The following SINHCAF variants were observed in gnomAD, a reference collection of about 807,000 sequenced individuals.
SINHCAF encodes the protein SIN3-HDAC complex-associated factor.
Under a neutral mutation model 25.8 loss-of-function variants are expected in SINHCAF, and 3 were observed. The observed-to-expected ratio is 0.12, with a 90% confidence interval of 0.05 to 0.30. The LOEUF (loss-of-function observed/expected upper bound fraction) is 0.30. SINHCAF is among the 10% of genes least tolerant of loss of function. The probability of loss-of-function intolerance (pLI) is 1.00; values close to 1 mark genes in which losing one functional copy is unlikely to be tolerated. For missense variants in SINHCAF, 121 were observed against 262.3 expected (o/e 0.46, Z 3.72); for synonymous variants, 70 against 85.5 (o/e 0.82, Z 1.00).
At position 31,302,837 on chromosome 12, in the gene SINHCAF, G is replaced by A. The variant is rs118113084; in HGVS notation, c.-20-4613C>T. ...TCCATCCTGCCTTTGTTCTATATCT[G>A]ATACACAAGTTTACAACCAGTACCT... On this transcript the variant is annotated intron_variant, in intron 1 of 5. Transcript: ENST00000337682. The A allele has an allele frequency of 6.1e-3, 3,975 of 655,824 alleles. 14 individuals are homozygous for A. Among genetic ancestry groups the A allele is most frequent in the Non-Finnish European group, 7.0e-3 (3,726 of 529,316 alleles). The allele number at this position is 655,824 out of a possible 1,614,324, so 40.6% of individuals were successfully genotyped here. A position where few individuals can be genotyped will look rare whatever the true frequency, so the allele number is the denominator to read the frequency against.
In SINHCAF at chr12:31,303,204, G is replaced by C. The variant is rs528956553; in HGVS notation, c.-20-4980C>G. On this transcript the variant is annotated intron_variant, in intron 1 of 5. Transcript: ENST00000337682. ...CCAGAACAAATATTTAGAAGAGGCT[G>C]TGTCAACCCATTTTTCCTTGTATTT... 22 of 985,432 alleles carry C rather than the reference G, an allele frequency of 2.2e-5. 1 individual carries two copies. The Admixed American group carries it at 3.1e-4, about 14-fold the overall frequency. The allele number at this position is 985,432 out of a possible 1,614,324, so 61.0% of individuals were successfully genotyped here.
At chr12:31,314,404 T>C (rs1939416060) in intron 1 of SINHCAF, among the ~76,000 whole-genome samples, 1 of 151,988 alleles carries the variant, frequency 6.6e-6, no homozygotes, top group Non-Finnish European at 1.5e-5. Flanking sequence ...CGGGCGCCTG[T>C]AATCCCAGCC....
At position 31,324,620 on chromosome 12, in the gene SINHCAF, A is replaced by G. The variant is rs1939875809; in HGVS notation, c.-21+1404T>C. Reference sequence around the variant, plus strand: ...GCCCTACGCCCAGGCGGCGGCCCCGAGCGCCGGGGGCCCGCACGGGCACAT... The same window carrying G: ...GCCCTACGCCCAGGCGGCGGCCCCGGGCGCCGGGGGCCCGCACGGGCACAT... On this transcript the variant is annotated intron_variant, in intron 1 of 5. Transcript: ENST00000337682. The surrounding 1 kb of genome is among the most constrained non-coding windows in gnomAD (Gnocchi z 5.5). The G allele has an allele frequency of 3.9e-6, 1 of 259,138 alleles. No homozygotes were observed. The highest frequency in any genetic ancestry group is 1.2e-4 in the East Asian group (1 of 8,658). 16.1% of individuals were successfully genotyped at this position (259,138 alleles called of 1,614,324 possible). A position where few individuals can be genotyped will look rare whatever the true frequency, so the allele number is the denominator to read the frequency against.
chr12:31,296,427 AAGTGCTAGGATTAC>A (rs1938552436), intron 2 of SINHCAF, among the ~76,000 whole-genome samples: 1 of 151,972 alleles, frequency 6.6e-6, no homozygotes, highest in Non-Finnish European at 1.5e-5. Context: ...TGGCCTCCCA[AAGTGCTAGGATTAC>A]AGGTGTGAGC....
At chr12:31,316,884 A>C (rs190762097) in intron 1 of SINHCAF, among the ~76,000 whole-genome samples, 1 of 152,174 alleles carries the variant, frequency 6.6e-6, no homozygotes, top group African/African-American at 2.4e-5. Flanking sequence ...TGTCTTTTTA[A>C]ATCTTTATAA....
At chr12:31,317,675 A>G (rs1431493022) in intron 1 of SINHCAF, among the ~76,000 whole-genome samples, 1 of 152,140 alleles carries the variant, frequency 6.6e-6, no homozygotes, top group Non-Finnish European at 1.5e-5. Context: ...ACACACCTTA[A>G]GAGTAATCTA....
intron 1 of SINHCAF, chr12:31,312,029 T>G: frequency 1.6e-6 from 1 of 638,360 alleles, no homozygotes; most frequent in African/African-American, 1.8e-5. Flanking sequence ...AAGTAACTTT[T>G]GATCAGAAAG....
Position 31,325,560 on chromosome 12 carries a change from A to C in SINHCAF, c.-21+464T>G. The C allele has an allele frequency of 3.7e-5, 7 of 187,146 alleles. No individual in the cohort carries two copies. The highest frequency in any genetic ancestry group is 1.5e-4 in the South Asian group (2 of 13,428). The allele number at this position is 187,146 out of a possible 1,614,324, so 11.6% of individuals were successfully genotyped here. On this transcript the variant is annotated intron_variant, in intron 1 of 5. Transcript: ENST00000337682. This position sits in a 1 kb window ranked among gnomAD's most constrained non-coding sequence, Gnocchi z 5.9. ...CCACGAGGTTTCACAACGGCGCCCG[A>C]CCCTGCCCGCGCCTCGCGCCCACGC...
At chr12:31,309,963 G>A (rs947849735) in intron 1 of SINHCAF, among the ~76,000 whole-genome samples, 5 of 151,996 alleles carry the variant, frequency 3.3e-5, no homozygotes, top group Non-Finnish European at 2.9e-5. Context: ...CACCGTGCCC[G>A]GCCAACTTGT....
In SINHCAF at chr12:31,280,708, GACTACAT is replaced by G. The variant is rs2137060027; in HGVS notation, c.*1997_*2003del. The G allele has an allele frequency of 6.6e-6, 1 of 152,592 alleles. No homozygotes were observed. The highest frequency in any genetic ancestry group is 1.5e-5 in the Non-Finnish European group (1 of 68,004). 9.5% of individuals were successfully genotyped at this position (152,592 alleles called of 1,614,324 possible). ...TCTAATATATTAATACAAAGTGCATGACTACATACAGTACATCCTACAGGCAAAGAGA... is the reference window on the plus strand; with the variant it reads ...TCTAATATATTAATACAAAGTGCATGACAGTACATCCTACAGGCAAAGAGA... On this transcript the variant is annotated 3_prime_UTR_variant, in exon 6 of 6. Coordinates refer to ENST00000337682, the MANE Select transcript of SINHCAF (RefSeq NM_001135812.2).
At chr12:31,309,907 T>A (rs1407371257) in intron 1 of SINHCAF, among the ~76,000 whole-genome samples, 1 of 152,094 alleles carries the variant, frequency 6.6e-6, no homozygotes, top group Non-Finnish European at 1.5e-5. Context: ...GCTCAGGTGA[T>A]CCACCTGCCT....
At chr12:31,313,653 GTTTGTTT>G (rs1939372909) in intron 1 of SINHCAF, among the ~76,000 whole-genome samples, 1 of 152,022 alleles carries the variant, frequency 6.6e-6, no homozygotes. Flanking sequence ...TTGTTTGTTT[GTTTGTTT>G]TTTCTGAGAC....
rs1247483869 is a variant in SINHCAF at position 31,295,872 on chromosome 12, C to CA, written c.129-540dup. On this transcript the variant is annotated intron_variant, in intron 2 of 5. Transcript: ENST00000337682. ...GGGCAACAAGAGCGAGACTCCATCT[C>CA]AAAAAAAAAAAATTAAATAATTAAA... is the stretch of plus-strand genomic sequence containing the variant. 1.1e-3 allele frequency among the ~76,000 whole-genome samples: 153 copies of CA among 140,432 alleles called. 1 individual carries two copies. The highest frequency in any genetic ancestry group is 1.3e-3 in the African/African-American group (49 of 38,238). The allele number at this position is 140,432 out of a possible 152,430, so 92.1% of individuals were successfully genotyped here.
At chr12:31,293,680 G>C in intron 4 of SINHCAF, 125 bp downstream of exon 4, 1 of 727,346 alleles carries the variant, frequency 1.4e-6, no homozygotes, top group Non-Finnish European at 2.1e-6. Context: ...CCAAGTCAAC[G>C]TTGCCTTCCA....
In SINHCAF at chr12:31,326,104, C is replaced by T. The variant is rs1231601153; in HGVS notation, c.-101G>A. ...CCAGGCCAGTCCCCCTCAAGCGCTC[C>T]CTCCTCCTCAACTGCCTTGTCTAGA... On this transcript the variant is annotated 5_prime_UTR_variant, in exon 1 of 6. Coordinates refer to ENST00000337682, the MANE Select transcript of SINHCAF (RefSeq NM_001135812.2). 1 of 152,310 alleles carries T rather than the reference C, an allele frequency of 6.6e-6. No individual in the cohort carries two copies. The highest frequency in any genetic ancestry group is 1.5e-5 in the Non-Finnish European group (1 of 68,104). The allele number at this position is 152,310 out of a possible 1,614,324, so 9.4% of individuals were successfully genotyped here.
At chr12:31,298,482 A>T in intron 1 of SINHCAF, 2 of 389,548 alleles carry the variant, frequency 5.1e-6, no homozygotes, top group Non-Finnish European at 9.5e-6. Context: ...ATGCAATCTA[A>T]AAATGGGGAA....
At position 31,325,159 on chromosome 12, in the gene SINHCAF, C is replaced by G; in HGVS notation, c.-21+865G>C. The G allele has an allele frequency of 2.2e-6, 1 of 456,764 alleles. No individual in the cohort carries two copies. The highest frequency in any genetic ancestry group is 1.5e-5 in the South Asian group (1 of 64,566). 28.3% of individuals were successfully genotyped at this position (456,764 alleles called of 1,614,324 possible). Reference sequence around the variant, plus strand: ...TGGCTTCCCTGGCCATCTTACAGCGCGGACGGCCGCCCATAAACGGGAAGC... The same window carrying G: ...TGGCTTCCCTGGCCATCTTACAGCGGGGACGGCCGCCCATAAACGGGAAGC... On this transcript the variant is annotated intron_variant, in intron 1 of 5. Transcript: ENST00000337682. The surrounding 1 kb of genome is among the most constrained non-coding windows in gnomAD (Gnocchi z 5.9).
At chr12:31,293,739 T>C in intron 4 of SINHCAF, 66 bp downstream of exon 4, 8 of 1,417,238 alleles carry the variant, frequency 5.6e-6, no homozygotes, top group Non-Finnish European at 7.5e-6. Flanking sequence ...ACACATGCCA[T>C]ACACCACCCC....
chr12:31,309,204 A>C (rs752832582), intron 1 of SINHCAF, among the ~76,000 whole-genome samples: 15 of 152,002 alleles, frequency 9.9e-5, no homozygotes, highest in Non-Finnish European at 1.6e-4. Context: ...GAAGGTTAAG[A>C]AGCACTGGAT....
Sources: allele counts gnomAD v4.1 joint callset (sites outside exome capture counted in the v4.1 genomes callset), GRCh38; gene constraint gnomAD v4.1.1; non-coding constraint Gnocchi (gnomAD v3.1); transcripts MANE v1.5; gene names NCBI Gene and HGNC (gene_info 2026-07-23, HGNC 2026-07-21).